CNTNAP2: variants seen among roughly 807,000 people sequenced by gnomAD.
CNTNAP2 encodes the protein contactin-associated protein-like 2.
In CNTNAP2, 98 loss-of-function variants were observed where a neutral mutation model predicts 155.2. The ratio of observed to expected loss-of-function variants is 0.63; its 90% CI spans 0.54 to 0.75. The LOEUF (loss-of-function observed/expected upper bound fraction) is 0.75. CNTNAP2 is among the 30% of genes least tolerant of loss of function. The probability of loss-of-function intolerance (pLI) is 0.00; values close to 1 mark genes in which losing one functional copy is unlikely to be tolerated. For synonymous variants in CNTNAP2, 651 were observed against 631.2 expected (o/e 1.03, Z -0.47); for missense variants, 1,727 against 1,688.1 (o/e 1.02, Z -0.40).
At chr7:146,222,151 A>C (rs1337777329) in intron 1 of CNTNAP2, among the ~76,000 whole-genome samples, 2 of 152,190 alleles carry the variant, frequency 1.3e-5, no homozygotes, top group African/African-American at 2.4e-5. Context: ...GTAATTACTA[A>C]GTCATTCATT....
chr7:147,078,696 A>T (rs1563068203), intron 4 of CNTNAP2, among the ~76,000 whole-genome samples: 3 of 151,416 alleles, frequency 2.0e-5, no homozygotes, highest in South Asian at 4.2e-4. Flanking sequence ...ATTAAAAAAA[A>T]CTCTCTATCT....
At chr7:147,087,911 A>T (rs1800314853) in intron 4 of CNTNAP2, among the ~76,000 whole-genome samples, 2 of 152,114 alleles carry the variant, frequency 1.3e-5, no homozygotes, top group Non-Finnish European at 2.9e-5. Context: ...CGGGAGGTAG[A>T]GGTTGCAGTA....
chr7:147,227,958 T>C (rs947228345), intron 8 of CNTNAP2, among the ~76,000 whole-genome samples: 2 of 152,078 alleles, frequency 1.3e-5, no homozygotes, highest in Non-Finnish European at 2.9e-5. Context: ...TGCACTCTAA[T>C]ATTAATCGGT....
chr7:146,278,454 T>C (rs1485365227), intron 1 of CNTNAP2, among the ~76,000 whole-genome samples: 1 of 152,116 alleles, frequency 6.6e-6, no homozygotes, highest in Non-Finnish European at 1.5e-5. Flanking sequence ...GTTTAAAAAA[T>C]ATATGTGAAA....
chr7:148,338,568 G>T (rs1043754700), intron 21 of CNTNAP2, among the ~76,000 whole-genome samples: 20 of 151,934 alleles, frequency 1.3e-4, no homozygotes, highest in Non-Finnish European at 2.4e-4. Flanking sequence ...GTGAGGGGGG[G>T]GTGAGTTACT....
chr7:147,113,554 G>A (rs192691506), intron 5 of CNTNAP2, among the ~76,000 whole-genome samples: 27 of 152,116 alleles, frequency 1.8e-4, no homozygotes, highest in Admixed American at 1.7e-3. Flanking sequence ...TTCACATGGC[G>A]GCAGGAGAGA....
intron 16 of CNTNAP2, among the ~76,000 whole-genome samples, chr7:148,119,041 G>A (rs185462698): frequency 6.6e-6 from 1 of 152,224 alleles, no homozygotes; most frequent in East Asian, 1.9e-4. Flanking sequence ...CCCCAATTCA[G>A]CTTTAGGAAG....
At chr7:147,770,266 GTGT>G (rs1563082531) in intron 13 of CNTNAP2, among the ~76,000 whole-genome samples, 2 of 152,306 alleles carry the variant, frequency 1.3e-5, no homozygotes, top group South Asian at 2.1e-4. Context: ...CACTACTATA[GTGT>G]TGTTGTTTTT....
chr7:147,569,400 C>A (rs1369698257), intron 12 of CNTNAP2, among the ~76,000 whole-genome samples: 1 of 152,090 alleles, frequency 6.6e-6, no homozygotes, highest in Non-Finnish European at 1.5e-5. Context: ...CAGTTTCTAT[C>A]CTATAGTACA....
chr7:147,479,763 T>C (rs1045653284), intron 10 of CNTNAP2, among the ~76,000 whole-genome samples: 1 of 152,014 alleles, frequency 6.6e-6, no homozygotes. Context: ...TTGGGCATAA[T>C]GTCAGAGGTA....
At chr7:146,511,354 C>A (rs1212117056) in intron 1 of CNTNAP2, among the ~76,000 whole-genome samples, 3 of 152,128 alleles carry the variant, frequency 2.0e-5, no homozygotes, top group African/African-American at 7.2e-5. Flanking sequence ...AAGCGGTTAA[C>A]CTTGTTGTTC....
intron 1 of CNTNAP2, among the ~76,000 whole-genome samples, chr7:146,161,048 A>G (rs550435814): frequency 1.7e-4 from 26 of 152,240 alleles, no homozygotes; most frequent in Non-Finnish European, 3.7e-4. Context: ...CTGGTTCAAC[A>G]TACACAAATC....
intron 13 of CNTNAP2, among the ~76,000 whole-genome samples, chr7:147,819,469 T>C (rs1798328234): frequency 6.6e-6 from 1 of 150,840 alleles, no homozygotes; most frequent in South Asian, 2.1e-4. Context: ...TAAACATTCA[T>C]TTCCTTTATT....
chr7:146,923,246 C>G (rs902927304), intron 3 of CNTNAP2, among the ~76,000 whole-genome samples: 4 of 152,144 alleles, frequency 2.6e-5, no homozygotes, highest in Admixed American at 6.5e-5. Context: ...TTAGGAAATA[C>G]AGGGATAAGC....
At chr7:146,817,327 GCCAGGTTGGTGGCACATGC>G (rs1351627930) in intron 2 of CNTNAP2, among the ~76,000 whole-genome samples, 1 of 151,888 alleles carries the variant, frequency 6.6e-6, no homozygotes, top group Non-Finnish European at 1.5e-5. Context: ...CAAAAAATTA[GCCAGGTTGGTGGCACATGC>G]CTGTAATCCC....
intron 8 of CNTNAP2, among the ~76,000 whole-genome samples, chr7:147,278,500 T>C (rs1804954271): frequency 6.6e-6 from 1 of 151,720 alleles, no homozygotes; most frequent in South Asian, 2.1e-4. Flanking sequence ...ATTATTCTTA[T>C]TTCTTTCTTA....
At chr7:147,948,869 T>C (rs1256748971) in intron 14 of CNTNAP2, among the ~76,000 whole-genome samples, 1 of 152,128 alleles carries the variant, frequency 6.6e-6, no homozygotes, top group African/African-American at 2.4e-5. Flanking sequence ...TTATATATTG[T>C]AATCTTACAG....
chr7:146,535,042 GT>G (rs1797825995), intron 1 of CNTNAP2, among the ~76,000 whole-genome samples: 1 of 84,888 alleles, frequency 1.2e-5, no homozygotes, highest in East Asian at 2.8e-4. Flanking sequence ...ATAAAATGTA[GT>G]TTTAATTTTT....
At position 146,483,309 on chromosome 7, in the gene CNTNAP2, A is replaced by G. The variant is rs1251765963; in HGVS notation, c.98-290962A>G. 1.7e-4 allele frequency among the ~76,000 whole-genome samples: 15 copies of G among 88,308 alleles called. No homozygotes were observed. In the South Asian group the frequency reaches 2.9e-3, roughly 17 times the overall value. The allele number at this position is 88,308 out of a possible 152,430, so 57.9% of individuals were successfully genotyped here. ...TATATATATATATATATATATATAT[A>G]TATATATATATATATATATACATAT... is the stretch of plus-strand genomic sequence containing the variant. On this transcript the variant is annotated intron_variant, in intron 1 of 23. Coordinates refer to ENST00000361727, the MANE Select transcript of CNTNAP2 (RefSeq NM_014141.6).
Sources: gnomAD v4.1 joint callset for allele counts (sites outside exome capture counted in the v4.1 genomes callset) on GRCh38, gnomAD v4.1.1 for gene constraint, MANE v1.5 for transcripts, NCBI Gene and HGNC (gene_info 2026-07-23, HGNC 2026-07-21) for gene names.